SLC25A35: variants seen among roughly 807,000 people sequenced by gnomAD.
SLC25A35 encodes solute carrier family 25 member 35.
SLC25A35 carries 32 observed loss-of-function variants against 30.5 expected under a neutral mutation model. The ratio of observed to expected loss-of-function variants is 1.05; its 90% confidence interval spans 0.79 to 1.41. The LOEUF is 1.41. Among genes scored for constraint, SLC25A35 ranks in the 40% most tolerant of loss-of-function variants. SLC25A35 has a pLI of 0.00. For synonymous variants in SLC25A35, 142 were observed against 158.1 expected, an observed-to-expected ratio of 0.90 and a Z score of 0.77; for missense variants, 369 against 388.0, an observed-to-expected ratio of 0.95 and a Z score of 0.41.
chr17:8,291,820 C>A (rs1477970335), intron 2 of SLC25A35, among the ~76,000 whole-genome samples: 4 of 152,174 alleles, frequency 2.6e-5, no homozygotes, highest in Admixed American at 2.6e-4. Flanking sequence ...GAGGCCCAGG[C>A]GGGTGGATCA....
chr17:8,290,157 T>A lies in SLC25A35; in HGVS notation c.*348A>T. 1.4e-6 allele frequency: 2 copies of A among 1,436,362 alleles called. No homozygotes were observed. Among genetic ancestry groups the A allele is most frequent in the Non-Finnish European group, 1.8e-6 (2 of 1,099,342 alleles). The allele number at this position is 1,436,362 out of a possible 1,614,324, so 89.0% of individuals were successfully genotyped here. A position where few individuals can be genotyped will look rare whatever the true frequency, so the allele number is the denominator to read the frequency against. Reference sequence around the variant, plus strand: ...GACGCCTGGGAATTGGGTCTCTCGATTCCCTTTGGTTTTGGAGGGAGGAGT... The same window carrying A: ...GACGCCTGGGAATTGGGTCTCTCGAATCCCTTTGGTTTTGGAGGGAGGAGT... On this transcript the variant is annotated 3_prime_UTR_variant, in exon 5 of 5. Transcript: ENST00000577745.
downstream of SLC25A35, chr17:8,288,675 C>G: frequency 8.1e-7 from 1 of 1,228,408 alleles, no homozygotes; most frequent in South Asian, 1.2e-5. Flanking sequence ...GATCCGGGAG[C>G]TAAGCCAGAC....
At chr17:8,291,632 G>C in intron 2 of SLC25A35, 147 bp from the exon 3 acceptor site, 1 of 1,210,816 alleles carries the variant, frequency 8.3e-7, no homozygotes, top group South Asian at 1.6e-5. Flanking sequence ...GTGGGCCCTT[G>C]GTTGTCTAGC....
downstream of SLC25A35, chr17:8,290,050 G>A: frequency 6.3e-7 from 1 of 1,579,790 alleles, no homozygotes; most frequent in Non-Finnish European, 8.6e-7. Flanking sequence ...GTAAACATAA[G>A]ACAATCCCTC....
chr17:8,292,622 A>G, intron 1 of SLC25A35, 34 bp from the exon 2 acceptor site: 1 of 1,606,472 alleles, frequency 6.2e-7, no homozygotes, highest in Non-Finnish European at 8.5e-7. Context: ...CCTGTGCCCC[A>G]GTGGCCATCC....
downstream of SLC25A35, chr17:8,289,268 GA>G: frequency 6.2e-7 from 1 of 1,613,750 alleles, no homozygotes; most frequent in Non-Finnish European, 8.5e-7. Flanking sequence ...GTACCACTTT[GA>G]GGATGTTGGT....
chr17:8,289,422 C>A (rs368054233), downstream of SLC25A35: 1 of 1,613,996 alleles, frequency 6.2e-7, no homozygotes, highest in Non-Finnish European at 8.5e-7. Context: ...CAGGTGAGGG[C>A]CCGAGAGTGT....
chr17:8,295,376 G>A lies in SLC25A35; in HGVS notation c.-569C>T. 1 of 985,458 alleles carries A rather than the reference G, an allele frequency of 1.0e-6. No homozygotes were observed. Among genetic ancestry groups the A allele is most frequent in the Non-Finnish European group, 1.2e-6 (1 of 829,924 alleles). 61.0% of individuals were successfully genotyped at this position (985,458 alleles called of 1,614,324 possible). ...CTTCAACCCCGGGTAGCCTGCGGAG[G>A]CCGGGCCGCCACACTCCTGCCACTG... On this transcript the variant is annotated 5_prime_UTR_variant, in exon 1 of 5. Transcript: ENST00000577745.
At chr17:8,289,583 GC>G (rs2151610404), downstream of SLC25A35, 5 of 1,612,528 alleles carry the variant, frequency 3.1e-6, no homozygotes, top group Non-Finnish European at 4.2e-6. Context: ...CCTTCAATCA[GC>G]CCCCGTAAGG....
Position 8,290,927 on chromosome 17 carries a change from C to G in SLC25A35, c.644G>C (p.Ser215Thr), listed in dbSNP as rs775513288. Residue 215 changes from serine to threonine, a missense_variant, in exon 4 of 5, where the codon AGT (serine) becomes ACT (threonine). By Grantham distance (58) the Ser-to-Thr change is moderately conservative. Transcript: ENST00000577745. ...WKLALVAAMM[S>T]GIAVVLAMAP... is the part of the protein sequence containing the mutation. ...CATGGCCAAGACAACTGCAATGCCACTCATCATGGCAGCCACCAGCGCCAA... is the reference window on the plus strand; with the variant it reads ...CATGGCCAAGACAACTGCAATGCCAGTCATCATGGCAGCCACCAGCGCCAA... 2 of 1,614,110 alleles carry G rather than the reference C, an allele frequency of 1.2e-6. No homozygotes were observed. The highest frequency in any genetic ancestry group is 3.3e-5 in the Admixed American group (2 of 60,006).
rs1990413206 is a variant in SLC25A35, at chr17:8,290,614, C to A, written c.794G>T (p.Gly265Val). ...GGAGGCACCTATACCCTTGTACATGCCAAAAATGCCCTCGGTCCGAGCTGT... is the reference window on the plus strand; with the variant it reads ...GGAGGCACCTATACCCTTGTACATGACAAAAATGCCCTCGGTCCGAGCTGT... ...LQTARTEGIF[G>V]MYKGIGASYF... Residue 265 changes from glycine (G) to valine (V), a missense_variant, in exon 5 of 5, where the codon GGC becomes GTC. By Grantham distance (109) the Gly-to-Val change is moderately radical. Transcript: ENST00000577745. 1.3e-6 allele frequency: 2 copies of A among 1,537,268 alleles called. No homozygotes were observed. The highest frequency in any genetic ancestry group is 2.7e-5 in the African/African-American group (2 of 73,016).
In SLC25A35 at chr17:8,291,366, G is replaced by C; in HGVS notation, c.561C>G (p.Phe187Leu). 1 of 1,614,188 alleles carries C rather than the reference G, an allele frequency of 6.2e-7. No homozygotes were observed. Among genetic ancestry groups the C allele is most frequent in the Non-Finnish European group, 8.5e-7 (1 of 1,180,042 alleles). The change falls in exon 3 of 5, where the codon TTC becomes TTG. Residue 187 changes from phenylalanine to leucine, a missense_variant. By Grantham distance (22) the Phe-to-Leu change is conservative. Coordinates refer to ENST00000577745, the MANE Select transcript of SLC25A35 (RefSeq NM_001320870.2). ...IVGSSTQLCT[F>L]SSTKDLLSQW... Reference sequence around the variant, plus strand: ...GGCTCAGGAGGTCCTTGGTGGATGAGAAGGTGCACAGCTGGGTGGAGGAAC... The same window carrying C: ...GGCTCAGGAGGTCCTTGGTGGATGACAAGGTGCACAGCTGGGTGGAGGAAC...
intron 3 of SLC25A35, 81 bp downstream of exon 3, chr17:8,291,252 C>T: frequency 6.4e-7 from 1 of 1,568,264 alleles, no homozygotes; most frequent in Middle Eastern, 2.1e-4. Flanking sequence ...ATGTTGGGCA[C>T]CATCCCCTCC....
intron 2 of SLC25A35, among the ~76,000 whole-genome samples, chr17:8,292,030 A>G (rs566312767): frequency 6.6e-6 from 1 of 152,330 alleles, no homozygotes; most frequent in East Asian, 1.9e-4. Context: ...AAAATTACAA[A>G]AATTAGCTGG....
At chr17:8,293,257 A>T (rs900985060) in intron 1 of SLC25A35, among the ~76,000 whole-genome samples, 1 of 152,162 alleles carries the variant, frequency 6.6e-6, no homozygotes, top group Non-Finnish European at 1.5e-5. Flanking sequence ...AAAGGGGCAG[A>T]TGTTGAGATT....
chr17:8,289,362 A>C (rs568408453), downstream of SLC25A35: 1 of 1,614,140 alleles, frequency 6.2e-7, no homozygotes, highest in East Asian at 2.2e-5. Context: ...GGCCGCTGTC[A>C]AGAAGCCTGG....
intron 1 of SLC25A35, 24 bp downstream of exon 1, chr17:8,294,409 C>A: frequency 1.3e-6 from 2 of 1,536,944 alleles, no homozygotes; most frequent in South Asian, 1.3e-5. Context: ...CCCTGAAGGT[C>A]CCAGGCAAGA....
At position 8,290,224 on chromosome 17, in the gene SLC25A35, G is replaced by T. The variant is rs2151612392; in HGVS notation, c.*281C>A. 7.0e-7 allele frequency: 1 copy of T among 1,425,806 alleles called. No individual in the cohort carries two copies. The highest frequency in any genetic ancestry group is 1.4e-5 in the African/African-American group (1 of 69,640). 88.3% of individuals were successfully genotyped at this position (1,425,806 alleles called of 1,614,324 possible). ...GAGCAGGAGGGACTCAAGGGTGGCA[G>T]TGGTGAGTGGGAGGAAATACACTTT... On this transcript the variant is annotated 3_prime_UTR_variant, in exon 5 of 5. Coordinates refer to ENST00000577745, the MANE Select transcript of SLC25A35 (RefSeq NM_001320870.2).
chr17:8,295,353 T>G lies in SLC25A35; in HGVS notation c.-546A>C. ...GCAGCCACCGGAGCTCGCAGTAGCT[T>G]CAACCCCGGGTAGCCTGCGGAGGCC... On this transcript the variant is annotated 5_prime_UTR_variant, in exon 1 of 5. Coordinates refer to ENST00000577745, the MANE Select transcript of SLC25A35 (RefSeq NM_001320870.2). 1 of 985,642 alleles carries G rather than the reference T, an allele frequency of 1.0e-6. No homozygotes were observed. The highest frequency in any genetic ancestry group is 4.7e-5 in the South Asian group (1 of 21,326). 61.1% of individuals were successfully genotyped at this position (985,642 alleles called of 1,614,324 possible). A position where few individuals can be genotyped will look rare whatever the true frequency, so the allele number is the denominator to read the frequency against.
Sources: gnomAD v4.1 joint callset for allele counts (sites outside exome capture counted in the v4.1 genomes callset) on GRCh38, gnomAD v4.1.1 for gene constraint, MANE v1.5 for transcripts, NCBI Gene and HGNC (gene_info 2026-07-23, HGNC 2026-07-21) for gene names.